The following VAMP1 variants were observed in gnomAD, a reference collection of about 807,000 sequenced individuals.
VAMP1 encodes the protein vesicle-associated membrane protein 1.
A neutral mutation model predicts 19.1 loss-of-function variants in VAMP1; 16 were observed. The observed-to-expected ratio is 0.84, with a 90% confidence interval of 0.57 to 1.27. VAMP1 has a LOEUF of 1.27. VAMP1 is among the 50% of genes most tolerant of loss of function. VAMP1 has a pLI of 0.00. For synonymous variants in VAMP1, 37 were observed against 50.2 expected, an observed-to-expected ratio of 0.74 and a Z score of 1.11; for missense variants, 109 against 145.4, an observed-to-expected ratio of 0.75 and a Z score of 1.29.
chr12:6,463,863 GAC>G lies in VAMP1; in HGVS notation c.*605_*606del. The G allele has an allele frequency of 7.9e-7, 1 of 1,262,906 alleles. No individual in the cohort carries two copies. Among genetic ancestry groups the G allele is most frequent in the Non-Finnish European group, 1.0e-6 (1 of 975,944 alleles). The allele number at this position is 1,262,906 out of a possible 1,614,324, so 78.2% of individuals were successfully genotyped here. A position where few individuals can be genotyped will look rare whatever the true frequency, so the allele number is the denominator to read the frequency against. On this transcript the variant is annotated 3_prime_UTR_variant, in exon 5 of 5. Transcript: ENST00000396308. The surrounding 1 kb of genome is among the most constrained non-coding windows in gnomAD (Gnocchi z 4.0). ...AAAGTAAAGTTGTAAGATCCCCAAA[GAC>G]ACGGAAAATCCTGGACGAACAGATT...
chr12:6,469,640 T>C (rs1314127930), intron 1 of VAMP1, among the ~76,000 whole-genome samples: 1 of 152,198 alleles, frequency 6.6e-6, no homozygotes, highest in East Asian at 1.9e-4. Flanking sequence ...TTTTTGTCAC[T>C]TAGAGAAGCA....
Position 6,463,082 on chromosome 12 carries a change from C to G in VAMP1, c.*1388G>C. The G allele has an allele frequency of 4.6e-6, 7 of 1,530,274 alleles. No individual in the cohort carries two copies. Among genetic ancestry groups the G allele is most frequent in the Non-Finnish European group, 6.1e-6 (7 of 1,142,222 alleles). The allele number at this position is 1,530,274 out of a possible 1,614,324, so 94.8% of individuals were successfully genotyped here. A position where few individuals can be genotyped will look rare whatever the true frequency, so the allele number is the denominator to read the frequency against. ...GCTTATCCCACATTAATAGCCCATC[C>G]TGAAGCTCAGCAATTGCCCCGAAGA... On this transcript the variant is annotated 3_prime_UTR_variant, in exon 5 of 5. Coordinates refer to ENST00000396308, the MANE Select transcript of VAMP1 (RefSeq NM_014231.5). The surrounding 1 kb of genome is among the most constrained non-coding windows in gnomAD (Gnocchi z 4.0).
At position 6,470,591 on chromosome 12, in the gene VAMP1, T is replaced by C. The variant is rs2532489; in HGVS notation, c.-60A>G. ...CCGGAGGCTGCGGCGAGACACCCGG[T>C]GAGGGACGCTGCGGCTGAAGTGGAC... On this transcript the variant is annotated 5_prime_UTR_variant, in exon 1 of 5. Transcript: ENST00000396308. The C allele has an allele frequency of 0.99, 1,597,514 of 1,611,432 alleles. 791,883 individuals are homozygous for C. The highest frequency in any genetic ancestry group is 1 in the East Asian group (44,817 of 44,820).
At chr12:6,464,533 A>AG in intron 4 of VAMP1, 47 bp from the exon 5 acceptor site, 1 of 1,473,402 alleles carries the variant, frequency 6.8e-7, no homozygotes, top group Non-Finnish European at 9.0e-7. Flanking sequence ...AGAAAGAGAC[A>AG]GGAGAAAACA....
At chr12:6,466,471 C>A in intron 1 of VAMP1, 120 bp from the exon 2 acceptor site, 1 of 1,176,756 alleles carries the variant, frequency 8.5e-7, no homozygotes, top group East Asian at 2.6e-5. Context: ...GCGCTTGAGC[C>A]CAGGAGTTCG....
Position 6,465,114 on chromosome 12 carries a change from G to A in VAMP1, c.289-173C>T. ...GGCCCTACCCTTCTGCTTCCCAGGG[G>A]ATCATAACCACAGTATGTCTGTAGC... On this transcript the variant is annotated intron_variant, in intron 3 of 4. Transcript: ENST00000396308. 7.1e-6 allele frequency: 6 copies of A among 840,584 alleles called. 1 individual carries two copies. In the South Asian group the frequency reaches 9.8e-5, roughly 14 times the overall value. 52.1% of individuals were successfully genotyped at this position (840,584 alleles called of 1,614,324 possible).
chr12:6,470,265 G>T (rs1945737551), intron 1 of VAMP1, among the ~76,000 whole-genome samples: 1 of 152,034 alleles, frequency 6.6e-6, no homozygotes, highest in Non-Finnish European at 1.5e-5. Flanking sequence ...CCAGAATGAG[G>T]CGCCACTCAG....
At chr12:6,467,164 G>A (rs1025302171) in intron 1 of VAMP1, 2 of 160,554 alleles carry the variant, frequency 1.2e-5, no homozygotes, top group African/African-American at 4.8e-5. Flanking sequence ...TCAGCAGCAT[G>A]AAAACAGACT....
In VAMP1 at chr12:6,462,340, T is replaced by C. The variant is rs980507554; in HGVS notation, c.*2130A>G. On this transcript the variant is annotated 3_prime_UTR_variant, in exon 5 of 5. Coordinates refer to ENST00000396308, the MANE Select transcript of VAMP1 (RefSeq NM_014231.5). ...AAGTACAACTGTTGTTATTACTCTATACAAGTATGAGATCAGGGTTAGGAA... is the reference window on the plus strand; with the variant it reads ...AAGTACAACTGTTGTTATTACTCTACACAAGTATGAGATCAGGGTTAGGAA... 7.2e-6 allele frequency: 4 copies of C among 558,662 alleles called. No individual in the cohort carries two copies. The highest frequency in any genetic ancestry group is 2.4e-5 in the South Asian group (1 of 42,190). The allele number at this position is 558,662 out of a possible 1,614,324, so 34.6% of individuals were successfully genotyped here.
chr12:6,463,124 C>T lies in VAMP1; in HGVS notation c.*1346G>A. The T allele has an allele frequency of 3.3e-6, 5 of 1,492,726 alleles. No homozygotes were observed. The highest frequency in any genetic ancestry group is 3.6e-6 in the Non-Finnish European group (4 of 1,124,656). The allele number at this position is 1,492,726 out of a possible 1,614,324, so 92.5% of individuals were successfully genotyped here. Reference sequence around the variant, plus strand: ...CCCCGAAGATAGGCTGAGCAGATCCCATCCTCAGGTTCCACTGTCTATACA... The same window carrying T: ...CCCCGAAGATAGGCTGAGCAGATCCTATCCTCAGGTTCCACTGTCTATACA... On this transcript the variant is annotated 3_prime_UTR_variant, in exon 5 of 5. Coordinates refer to ENST00000396308, the MANE Select transcript of VAMP1 (RefSeq NM_014231.5). The surrounding 1 kb of genome is among the most constrained non-coding windows in gnomAD (Gnocchi z 4.0).
chr12:6,465,466 A>ATAGTGT (rs1555130299), intron 3 of VAMP1: 1 of 103,198 alleles, frequency 9.7e-6, no homozygotes, highest in Non-Finnish European at 1.8e-5. Context: ...GTGTATATAT[A>ATAGTGT]GTGTGTGTGT....
At position 6,470,677 on chromosome 12, in the gene VAMP1, T is replaced by C. The variant is rs993769491; in HGVS notation, c.-146A>G. The C allele has an allele frequency of 4.9e-6, 5 of 1,028,918 alleles. No homozygotes were observed. Among genetic ancestry groups the C allele is most frequent in the Non-Finnish European group, 7.3e-6 (5 of 681,392 alleles). The allele number at this position is 1,028,918 out of a possible 1,614,324, so 63.7% of individuals were successfully genotyped here. On this transcript the variant is annotated 5_prime_UTR_variant, in exon 1 of 5. Coordinates refer to ENST00000396308, the MANE Select transcript of VAMP1 (RefSeq NM_014231.5). Reference sequence around the variant, plus strand: ...GCGGTCTAGCTGCGCTGGAACTTACTGCAGCTGCCGCGCCGGCCTCCGCCT... The same window carrying C: ...GCGGTCTAGCTGCGCTGGAACTTACCGCAGCTGCCGCGCCGGCCTCCGCCT...
In VAMP1 at chr12:6,462,713, G is replaced by T. The variant is rs1949909623; in HGVS notation, c.*1757C>A. On this transcript the variant is annotated 3_prime_UTR_variant, in exon 5 of 5. Transcript: ENST00000396308. Reference sequence around the variant, plus strand: ...CGCTCCAGGCTTGGGACACATCGAGGACAGTGGTGGTTCTTCTCCAGCGGT... The same window carrying T: ...CGCTCCAGGCTTGGGACACATCGAGTACAGTGGTGGTTCTTCTCCAGCGGT... 1 of 1,079,270 alleles carries T rather than the reference G, an allele frequency of 9.3e-7. No individual in the cohort carries two copies. 66.9% of individuals were successfully genotyped at this position (1,079,270 alleles called of 1,614,324 possible). A position where few individuals can be genotyped will look rare whatever the true frequency, so the allele number is the denominator to read the frequency against.
chr12:6,469,485 T>C (rs1945713831), intron 1 of VAMP1, among the ~76,000 whole-genome samples: 1 of 152,126 alleles, frequency 6.6e-6, no homozygotes, highest in African/African-American at 2.4e-5. Context: ...GTTAAAACCA[T>C]AGAAATCAAA....
In VAMP1 at chr12:6,466,371, G is replaced by A; in HGVS notation, c.3-20C>T. The A allele has an allele frequency of 6.2e-7, 1 of 1,607,990 alleles. No homozygotes were observed. The highest frequency in any genetic ancestry group is 8.5e-7 in the Non-Finnish European group (1 of 1,177,726). ...GCAGACCTGTGGAAAGACATGTGCAGAGTACACAAAGTGACCAAGACAAGA... is the reference window on the plus strand; with the variant it reads ...GCAGACCTGTGGAAAGACATGTGCAAAGTACACAAAGTGACCAAGACAAGA... On this transcript the variant is annotated intron_variant, in intron 1 of 4. Coordinates refer to ENST00000396308, the MANE Select transcript of VAMP1 (RefSeq NM_014231.5).
rs997459159 is a variant in VAMP1, at chr12:6,463,489, G to A, written c.*981C>T. On this transcript the variant is annotated 3_prime_UTR_variant, in exon 5 of 5. Coordinates refer to ENST00000396308, the MANE Select transcript of VAMP1 (RefSeq NM_014231.5). This position sits in a 1 kb window ranked among gnomAD's most constrained non-coding sequence, Gnocchi z 4.0. ...GATCTCACACTGCTAACACCCTCACGCTCCTTCATCAACAGGAAGAGAGGA... is the reference window on the plus strand; with the variant it reads ...GATCTCACACTGCTAACACCCTCACACTCCTTCATCAACAGGAAGAGAGGA... The A allele has an allele frequency of 2.9e-6, 3 of 1,038,624 alleles. No individual in the cohort carries two copies. The highest frequency in any genetic ancestry group is 3.5e-6 in the Non-Finnish European group (3 of 861,496). 64.3% of individuals were successfully genotyped at this position (1,038,624 alleles called of 1,614,324 possible). A position where few individuals can be genotyped will look rare whatever the true frequency, so the allele number is the denominator to read the frequency against.
In VAMP1 at chr12:6,463,056, G is replaced by T. The variant is rs116839028; in HGVS notation, c.*1414C>A. Reference sequence around the variant, plus strand: ...GCCTGCCCTCCTCCCCTTGCACCTGGGCTTATCCCACATTAATAGCCCATC... The same window carrying T: ...GCCTGCCCTCCTCCCCTTGCACCTGTGCTTATCCCACATTAATAGCCCATC... On this transcript the variant is annotated 3_prime_UTR_variant, in exon 5 of 5. Coordinates refer to ENST00000396308, the MANE Select transcript of VAMP1 (RefSeq NM_014231.5). This position sits in a 1 kb window ranked among gnomAD's most constrained non-coding sequence, Gnocchi z 4.0. 268 of 1,540,860 alleles carry T rather than the reference G, an allele frequency of 1.7e-4. No homozygotes were observed. The African/African-American group carries it at 3.3e-3, about 19-fold the overall frequency.
Position 6,465,964 on chromosome 12 carries a change from G to A in VAMP1, c.166C>T (p.Leu56=). The A allele has an allele frequency of 6.2e-7, 1 of 1,614,202 alleles. No homozygotes were observed. Among genetic ancestry groups the A allele is most frequent in the African/African-American group, 1.3e-5 (1 of 75,044 alleles). The part of the protein sequence containing the change: ...DIIRVNVDKV[L]ERDQKLSELD... ...TCTGACAGCTTCTGGTCCCTCTCCA[G>A]GACCTTGTCCACGTTCACACGTATG... The change falls in exon 3 of 5, where the codon CTG becomes TTG. Residue 56 remains leucine, a synonymous_variant. Coordinates refer to ENST00000396308, the MANE Select transcript of VAMP1 (RefSeq NM_014231.5).
rs1482772249 is a variant in VAMP1, at chr12:6,462,787, C to T, written c.*1683G>A. The T allele has an allele frequency of 9.5e-6, 15 of 1,573,458 alleles. No homozygotes were observed. The highest frequency in any genetic ancestry group is 2.3e-5 in the East Asian group (1 of 44,154). ...GAGCCCAGAGGAGAGTGGAGACCTT[C>T]GAGGGGGGCCGTTGGGAGGGTACTG... On this transcript the variant is annotated 3_prime_UTR_variant, in exon 5 of 5. Coordinates refer to ENST00000396308, the MANE Select transcript of VAMP1 (RefSeq NM_014231.5).
Sources: allele counts gnomAD v4.1 joint callset (sites outside exome capture counted in the v4.1 genomes callset), GRCh38; gene constraint gnomAD v4.1.1; non-coding constraint Gnocchi (gnomAD v3.1); transcripts MANE v1.5; gene names NCBI Gene and HGNC (gene_info 2026-07-23, HGNC 2026-07-21).